The following SEMA5A variants were observed in gnomAD, a reference collection of about 807,000 sequenced individuals.
The protein encoded by SEMA5A is semaphorin-5A.
A neutral mutation model predicts 135.5 loss-of-function variants in SEMA5A; 55 were observed. The ratio of observed to expected loss-of-function variants is 0.41; its 90% confidence interval spans 0.33 to 0.51. The LOEUF (loss-of-function observed/expected upper bound fraction) is 0.51, where lower values mean the gene tolerates loss of function less well. SEMA5A is among the 20% of genes least tolerant of loss of function. SEMA5A has a pLI of 0.37. For missense variants in SEMA5A, 1,290 were observed against 1,419.9 expected (o/e 0.91, Z 1.47); for synonymous variants, 580 against 546.5 (o/e 1.06, Z -0.85).
chr5:9,328,092 C>T (rs145059827), intron 4 of SEMA5A, among the ~76,000 whole-genome samples: 35 of 152,316 alleles, frequency 2.3e-4, no homozygotes, highest in African/African-American at 8.2e-4. Context: ...AGCTCATCCT[C>T]CCATATGCTC....
In SEMA5A at chr5:9,040,804, A is replaced by G. The variant is rs548847443; in HGVS notation, c.*2093T>C. ...TTGAAATATTAGAATCCTCTTTACC[A>G]GGGAAAATAAAATGTCCCTTTAAGC... On this transcript the variant is annotated 3_prime_UTR_variant, in exon 23 of 23. Transcript: ENST00000382496. The G allele has an allele frequency of 1.3e-5, 2 of 152,344 alleles. No individual in the cohort carries two copies. Among genetic ancestry groups the G allele is most frequent in the South Asian group, 2.1e-4 (1 of 4,830 alleles). 9.4% of individuals were successfully genotyped at this position (152,344 alleles called of 1,614,324 possible).
chr5:9,088,127 T>C (rs768621738), intron 16 of SEMA5A, among the ~76,000 whole-genome samples: 1 of 151,764 alleles, frequency 6.6e-6, no homozygotes, highest in African/African-American at 2.4e-5. Flanking sequence ...CCCAACATGG[T>C]GAAACCCCGT....
rs200025667 is a variant in SEMA5A at position 9,050,475 on chromosome 5, G to T, written c.2846-18C>A. The T allele has an allele frequency of 1.2e-6, 2 of 1,609,534 alleles. No homozygotes were observed. The highest frequency in any genetic ancestry group is 1.3e-5 in the African/African-American group (1 of 74,824). On this transcript the variant is annotated intron_variant, in intron 20 of 22. Coordinates refer to ENST00000382496, the MANE Select transcript of SEMA5A (RefSeq NM_003966.3). ...AGATACTTCTGGAAAAAGAAAAGTC[G>T]AATCACAATGTGTAAAAGGTGTTCA... is the stretch of plus-strand genomic sequence containing the variant.
intron 5 of SEMA5A, among the ~76,000 whole-genome samples, chr5:9,250,737 C>T (rs539136729): frequency 2.2e-4 from 33 of 152,160 alleles, no homozygotes; most frequent in African/African-American, 7.7e-4. Flanking sequence ...AATTCTGTGT[C>T]CTAAGTCAAG....
chr5:9,207,876 G>GATAC (rs1746122818), intron 8 of SEMA5A, among the ~76,000 whole-genome samples: 1 of 140,872 alleles, frequency 7.1e-6, no homozygotes, highest in Non-Finnish European at 1.5e-5. Flanking sequence ...TAGATAGATA[G>GATAC]ATAGATAGAT....
chr5:9,151,569 T>A (rs891690938), intron 12 of SEMA5A, among the ~76,000 whole-genome samples: 33 of 152,186 alleles, frequency 2.2e-4, no homozygotes, highest in African/African-American at 8.0e-4. Flanking sequence ...TATTTTTTTT[T>A]AAAGATTCTT....
intron 16 of SEMA5A, among the ~76,000 whole-genome samples, chr5:9,074,816 A>C (rs902333567): frequency 2.6e-5 from 4 of 152,218 alleles, no homozygotes; most frequent in African/African-American, 9.6e-5. Flanking sequence ...AAAAAACAAA[A>C]GCCCCCAAAC....
intron 11 of SEMA5A, among the ~76,000 whole-genome samples, chr5:9,175,261 G>A (rs1388077137): frequency 1.3e-5 from 2 of 152,118 alleles, no homozygotes; most frequent in African/African-American, 4.8e-5. Context: ...AATTCTCTCA[G>A]TGGTCCTTGA....
At chr5:9,070,490 A>T in intron 16 of SEMA5A, among the ~76,000 whole-genome samples, 1 of 152,210 alleles carries the variant, frequency 6.6e-6, no homozygotes, top group East Asian at 1.9e-4. Context: ...ACATCTTCAT[A>T]AACAGATTTA....
At chr5:9,104,313 G>A (rs1406265778) in intron 16 of SEMA5A, among the ~76,000 whole-genome samples, 1 of 152,110 alleles carries the variant, frequency 6.6e-6, no homozygotes, top group African/African-American at 2.4e-5. Context: ...CATGTAGTAG[G>A]CACTCAACAA....
chr5:9,154,367 C>T (rs1742833550), intron 12 of SEMA5A, 121 bp downstream of exon 12: 3 of 765,884 alleles, frequency 3.9e-6, no homozygotes, highest in Non-Finnish European at 2.2e-6. Flanking sequence ...ACAGGACTCT[C>T]AGAGGCATGA....
At chr5:9,062,121 G>A (rs1292349348) in intron 18 of SEMA5A, among the ~76,000 whole-genome samples, 3 of 152,126 alleles carry the variant, frequency 2.0e-5, no homozygotes, top group Admixed American at 6.5e-5. Context: ...GTAGCTCATA[G>A]GAAAGTTTTA....
At chr5:9,162,587 C>T (rs202124226) in intron 11 of SEMA5A, among the ~76,000 whole-genome samples, 1,837 of 77,336 alleles carry the variant, frequency 0.024, 87 homozygotes, top group African/African-American at 0.081. Context: ...TATATATATA[C>T]ACACACACAC....
intron 22 of SEMA5A, among the ~76,000 whole-genome samples, chr5:9,043,707 C>A (rs748562999): frequency 6.6e-6 from 1 of 152,188 alleles, no homozygotes; most frequent in Non-Finnish European, 1.5e-5. Flanking sequence ...TAGAAGGATT[C>A]GTTAAAGACT....
rs900433339 is a variant in SEMA5A at position 9,035,242 on chromosome 5, T to C, written c.*7655A>G. ...ACTGCACACTCAGCAGTGCTGAGGA[T>C]AGATCTTCAGAATGCTTTTTCATAA... On this transcript the variant is annotated 3_prime_UTR_variant, in exon 23 of 23. Transcript: ENST00000382496. 1.3e-5 allele frequency: 2 copies of C among 152,222 alleles called. No homozygotes were observed. The highest frequency in any genetic ancestry group is 4.8e-5 in the African/African-American group (2 of 41,444). The allele number at this position is 152,222 out of a possible 1,614,324, so 9.4% of individuals were successfully genotyped here.
intron 6 of SEMA5A, among the ~76,000 whole-genome samples, chr5:9,234,045 A>G (rs2150441937): frequency 6.6e-6 from 1 of 152,372 alleles, no homozygotes; most frequent in African/African-American, 2.4e-5. Context: ...TAAGAACTTC[A>G]GCACAAGCAA....
chr5:9,154,754 T>C (rs1292357087), intron 11 of SEMA5A, 59 bp from the exon 12 acceptor site: 5 of 1,433,766 alleles, frequency 3.5e-6, no homozygotes, highest in Non-Finnish European at 9.8e-7. Flanking sequence ...AACCAATCCC[T>C]GGTTAAACAG....
In SEMA5A at chr5:9,071,047, A is replaced by C. The variant is rs561775228; in HGVS notation, c.2074-4401T>G. On this transcript the variant is annotated intron_variant, in intron 16 of 22. Transcript: ENST00000382496. ...GATAAATGATTTTAAAAAGGATTTC[A>C]GGAAGCTAACTATTATGATTTGGCA... is the stretch of plus-strand genomic sequence containing the variant. Among the ~76,000 whole-genome samples, 424 of 152,354 alleles carry C rather than the reference A, an allele frequency of 2.8e-3. 2 individuals are homozygous for C. The highest frequency in any genetic ancestry group is 4.8e-3 in the Non-Finnish European group (328 of 68,036).
At chr5:9,355,475 T>G (rs1432101767) in intron 3 of SEMA5A, among the ~76,000 whole-genome samples, 1 of 152,082 alleles carries the variant, frequency 6.6e-6, no homozygotes, top group East Asian at 1.9e-4. Context: ...CGTGAGAAAC[T>G]GAGGATAACA....
Sources: allele counts gnomAD v4.1 joint callset (sites outside exome capture counted in the v4.1 genomes callset), GRCh38; gene constraint gnomAD v4.1.1; transcripts MANE v1.5; gene names NCBI Gene and HGNC (gene_info 2026-07-23, HGNC 2026-07-21).